Variants in DSCAM observed in about 807,000 individuals in gnomAD.
The protein encoded by DSCAM is cell adhesion molecule DSCAM.
A neutral mutation model predicts 217.7 loss-of-function variants in DSCAM; 47 were observed. The observed-to-expected ratio is 0.22, with a 90% CI of 0.17 to 0.28. The LOEUF is 0.28. DSCAM is among the 10% of genes least tolerant of loss of function. The pLI is 1.00. For synonymous variants in DSCAM, 1,056 were observed against 1,015.3 expected, an observed-to-expected ratio of 1.04 and a Z score of -0.76; for missense variants, 2,080 against 2,618.3, an observed-to-expected ratio of 0.79 and a Z score of 4.49.
intron 3 of DSCAM, among the ~76,000 whole-genome samples, chr21:40,412,226 G>A (rs11908785): frequency 0.11 from 16,831 of 152,024 alleles, 1,866 homozygotes; most frequent in African/African-American, 0.29. Context: ...GAAAATGGAC[G>A]AATACCGTAA....
At chr21:40,425,669 CA>C (rs34174337) in intron 3 of DSCAM, among the ~76,000 whole-genome samples, 12,189 of 69,010 alleles carry the variant, frequency 0.18, 453 homozygotes, top group African/African-American at 0.29. Flanking sequence ...ACTCGGTGTC[CA>C]AAAAAAAAAA....
chr21:40,057,768 C>T (rs1032819256), intron 28 of DSCAM, among the ~76,000 whole-genome samples: 15 of 152,060 alleles, frequency 9.9e-5, no homozygotes, highest in East Asian at 9.7e-4. Flanking sequence ...TATAAGAAAA[C>T]GGCCCAACAA....
intron 3 of DSCAM, among the ~76,000 whole-genome samples, chr21:40,432,706 T>C (rs899101247): frequency 2.6e-5 from 4 of 152,060 alleles, no homozygotes; most frequent in Admixed American, 2.0e-4. Context: ...TGAATAGATA[T>C]AGTAAAGGAA....
chr21:40,810,987 G>T, intron 1 of DSCAM, among the ~76,000 whole-genome samples: 1 of 152,160 alleles, frequency 6.6e-6, no homozygotes, highest in Non-Finnish European at 1.5e-5. Context: ...ACCATGATGG[G>T]GACATTGTAT....
chr21:40,682,347 G>T (rs59330543), intron 3 of DSCAM, among the ~76,000 whole-genome samples: 2,494 of 152,040 alleles, frequency 0.016, 64 homozygotes, highest in African/African-American at 0.057. Context: ...ACATTTCTGA[G>T]AGGGGAAGAT....
At chr21:40,746,196 C>T (rs927737750) in intron 1 of DSCAM, among the ~76,000 whole-genome samples, 2 of 151,012 alleles carry the variant, frequency 1.3e-5, no homozygotes, top group African/African-American at 4.9e-5. Flanking sequence ...GTAGTAAAGC[C>T]CCACCTAACA....
intron 3 of DSCAM, among the ~76,000 whole-genome samples, chr21:40,390,571 T>C (rs1256566557): frequency 6.6e-6 from 1 of 152,128 alleles, no homozygotes; most frequent in Non-Finnish European, 1.5e-5. Flanking sequence ...TCTTTTCCAT[T>C]TCTGGAGGCC....
intron 10 of DSCAM, among the ~76,000 whole-genome samples, chr21:40,282,590 C>CAAAAAAAAAAAA (rs528248714): frequency 6.1e-5 from 2 of 32,952 alleles, no homozygotes; most frequent in African/African-American, 1.2e-4. Context: ...GACTCTGTCT[C>CAAAAAAAAAAAA]AAAAAAAAAA....
chr21:40,450,479 A>C (rs2075709629), intron 3 of DSCAM, among the ~76,000 whole-genome samples: 1 of 152,220 alleles, frequency 6.6e-6, no homozygotes, highest in African/African-American at 2.4e-5. Context: ...TTTACCCAGA[A>C]ACACAAGCTT....
intron 3 of DSCAM, among the ~76,000 whole-genome samples, chr21:40,658,109 A>G (rs536176276): frequency 2.0e-5 from 3 of 152,264 alleles, no homozygotes; most frequent in Admixed American, 1.3e-4. Context: ...CCCACAGAGA[A>G]CCAGGGTTCC....
intron 3 of DSCAM, among the ~76,000 whole-genome samples, chr21:40,560,517 G>A (rs553119964): frequency 2.6e-5 from 4 of 152,314 alleles, no homozygotes; most frequent in East Asian, 1.9e-4. Context: ...CAGTCTACCC[G>A]TTGTTAATAC....
intron 3 of DSCAM, among the ~76,000 whole-genome samples, chr21:40,523,166 G>A (rs1015776838): frequency 6.6e-6 from 1 of 152,122 alleles, no homozygotes; most frequent in Non-Finnish European, 1.5e-5. Flanking sequence ...ATACAGAAGC[G>A]GGCAGGGAAG....
chr21:40,656,258 A>T (rs2090074909), intron 3 of DSCAM, among the ~76,000 whole-genome samples: 1 of 151,978 alleles, frequency 6.6e-6, no homozygotes, highest in Non-Finnish European at 1.5e-5. Flanking sequence ...GCTACATTCA[A>T]CCTTTCTTAA....
chr21:40,644,876 T>C (rs1470707548), intron 3 of DSCAM, among the ~76,000 whole-genome samples: 1 of 152,200 alleles, frequency 6.6e-6, no homozygotes, highest in Non-Finnish European at 1.5e-5. Flanking sequence ...AGGAGATATA[T>C]AGTCATTCTT....
At chr21:40,426,682 A>C (rs1438528367) in intron 3 of DSCAM, among the ~76,000 whole-genome samples, 1 of 152,222 alleles carries the variant, frequency 6.6e-6, no homozygotes, top group Non-Finnish European at 1.5e-5. Flanking sequence ...CCAGAGGCAT[A>C]ACTCAAAGGG....
intron 1 of DSCAM, among the ~76,000 whole-genome samples, chr21:40,784,750 C>G (rs1041913827): frequency 6.6e-6 from 1 of 152,154 alleles, no homozygotes; most frequent in African/African-American, 2.4e-5. Context: ...TGAGAAAATA[C>G]AGGGAGGAGA....
chr21:40,314,892 A>T (rs1032366093), intron 8 of DSCAM, among the ~76,000 whole-genome samples: 6 of 152,162 alleles, frequency 3.9e-5, no homozygotes, highest in Non-Finnish European at 7.4e-5. Context: ...ATGAGTTAAC[A>T]CAGTAATTCT....
At chr21:40,167,345 G>A (rs1893007146) in intron 15 of DSCAM, 57 bp from the exon 16 acceptor site, 4 of 1,506,724 alleles carry the variant, frequency 2.7e-6, no homozygotes, top group African/African-American at 1.4e-5. Flanking sequence ...GCAGATCGAA[G>A]CCTACACAGC....
chr21:40,530,798 C>T (rs1419304087), intron 3 of DSCAM, among the ~76,000 whole-genome samples: 1 of 152,076 alleles, frequency 6.6e-6, no homozygotes, highest in African/African-American at 2.4e-5. Context: ...AACATCCTCC[C>T]TGTTTTCTTC....
Sources: gnomAD v4.1 joint callset for allele counts (sites outside exome capture counted in the v4.1 genomes callset) on GRCh38, gnomAD v4.1.1 for gene constraint, MANE v1.5 for transcripts, NCBI Gene and HGNC (gene_info 2026-07-23, HGNC 2026-07-21) for gene names.